CACNG3: variants seen among roughly 807,000 people sequenced by gnomAD.
CACNG3 encodes calcium voltage-gated channel auxiliary subunit gamma 3, also known as voltage-dependent calcium channel gamma-3 subunit.
A neutral mutation model predicts 28.5 loss-of-function variants in CACNG3; 3 were observed. That is an observed-to-expected ratio of 0.11 (90% CI 0.05 to 0.27). CACNG3 has a LOEUF of 0.27. Ranked by LOEUF, CACNG3 falls within the 10% of genes least tolerant of loss-of-function variation. The probability of loss-of-function intolerance (pLI) is 1.00; values close to 1 mark genes in which losing one functional copy is unlikely to be tolerated. For missense variants in CACNG3, 236 were observed against 414.4 expected, an observed-to-expected ratio of 0.57 and a Z score of 3.74; for synonymous variants, 174 against 162.2, an observed-to-expected ratio of 1.07 and a Z score of -0.55.
intron 1 of CACNG3, among the ~76,000 whole-genome samples, chr16:24,313,450 G>A (rs1899302934): frequency 6.6e-6 from 1 of 152,046 alleles, no homozygotes; most frequent in Admixed American, 6.6e-5. Flanking sequence ...GTTCCTTTCG[G>A]CACTTTTATG....
At chr16:24,257,345 G>A (rs1230681682) in intron 1 of CACNG3, among the ~76,000 whole-genome samples, 1 of 128,890 alleles carries the variant, frequency 7.8e-6, no homozygotes, top group East Asian at 2.5e-4. Flanking sequence ...GAGGAGAAGG[G>A]ACAAGAGGAA....
chr16:24,332,064 A>C (rs1425563536), intron 1 of CACNG3, among the ~76,000 whole-genome samples: 1 of 152,190 alleles, frequency 6.6e-6, no homozygotes, highest in Non-Finnish European at 1.5e-5. Flanking sequence ...TCTCTGGTAG[A>C]ATATAACAGC....
intron 1 of CACNG3, among the ~76,000 whole-genome samples, chr16:24,337,379 G>A (rs1331670678): frequency 2.6e-5 from 4 of 152,094 alleles, no homozygotes; most frequent in African/African-American, 7.2e-5. Context: ...GATTGCTGGT[G>A]ACCACTTCCC....
At chr16:24,278,365 C>T (rs144546700) in intron 1 of CACNG3, among the ~76,000 whole-genome samples, 1 of 152,250 alleles carries the variant, frequency 6.6e-6, no homozygotes, top group Non-Finnish European at 1.5e-5. Flanking sequence ...CACCCGTAAT[C>T]CCTGCATTCT....
At chr16:24,271,054 T>G (rs1357145116) in intron 1 of CACNG3, among the ~76,000 whole-genome samples, 1 of 152,184 alleles carries the variant, frequency 6.6e-6, no homozygotes, top group Non-Finnish European at 1.5e-5. Flanking sequence ...TGTAGAGCCC[T>G]GAAGGGAATT....
chr16:24,270,559 T>C (rs1898673103), intron 1 of CACNG3, among the ~76,000 whole-genome samples: 1 of 152,124 alleles, frequency 6.6e-6, no homozygotes, highest in African/African-American at 2.4e-5. Flanking sequence ...CTTTGGTGAG[T>C]GATGGCTTAG....
chr16:24,322,550 A>G (rs1899478958), intron 1 of CACNG3, among the ~76,000 whole-genome samples: 1 of 152,162 alleles, frequency 6.6e-6, no homozygotes, highest in Admixed American at 6.5e-5. Context: ...CTGTTTTTAG[A>G]AGACTTTTAC....
In CACNG3 at chr16:24,256,539, C is replaced by A; in HGVS notation, c.-216C>A. On this transcript the variant is annotated 5_prime_UTR_variant, in exon 1 of 4. Coordinates refer to ENST00000005284, the MANE Select transcript of CACNG3 (RefSeq NM_006539.4). This position sits in a 1 kb window ranked among gnomAD's most constrained non-coding sequence, Gnocchi z 4.6. ...AGTGATGCGGACCAACCCCCCGGAG[C>A]CTGCACCCTTCCGAGGGCCATAGGC... The A allele has an allele frequency of 1.8e-6, 1 of 570,442 alleles. No individual in the cohort carries two copies. Among genetic ancestry groups the A allele is most frequent in the South Asian group, 2.1e-5 (1 of 48,236 alleles). The allele number at this position is 570,442 out of a possible 1,614,324, so 35.3% of individuals were successfully genotyped here. A position where few individuals can be genotyped will look rare whatever the true frequency, so the allele number is the denominator to read the frequency against.
chr16:24,301,514 C>T (rs1448811662), intron 1 of CACNG3, among the ~76,000 whole-genome samples: 3 of 152,134 alleles, frequency 2.0e-5, no homozygotes, highest in South Asian at 2.1e-4. Context: ...CTGCAGCTCA[C>T]GACGGTCACA....
chr16:24,332,184 C>T (rs538956980), intron 1 of CACNG3, among the ~76,000 whole-genome samples: 2 of 152,074 alleles, frequency 1.3e-5, no homozygotes, highest in African/African-American at 2.4e-5. Flanking sequence ...AATCAGGGAC[C>T]GGGTGCAATG....
chr16:24,314,867 G>T (rs899270318), intron 1 of CACNG3, among the ~76,000 whole-genome samples: 1 of 151,718 alleles, frequency 6.6e-6, no homozygotes, highest in African/African-American at 2.4e-5. Flanking sequence ...AATAGGGGCT[G>T]CAGGTTCCGA....
rs755648820 is a variant in CACNG3, at chr16:24,354,692, C to T, written c.296-141C>T. 2.6e-4 allele frequency: 199 copies of T among 765,666 alleles called. 1 individual carries two copies. Among genetic ancestry groups the T allele is most frequent in the Middle Eastern group, 7.8e-4 (2 of 2,554 alleles). The allele number at this position is 765,666 out of a possible 1,614,324, so 47.4% of individuals were successfully genotyped here. A position where few individuals can be genotyped will look rare whatever the true frequency, so the allele number is the denominator to read the frequency against. On this transcript the variant is annotated intron_variant, in intron 2 of 3. Coordinates refer to ENST00000005284, the MANE Select transcript of CACNG3 (RefSeq NM_006539.4). Reference sequence around the variant, plus strand: ...ACTCCTTCTAAGCACAGGCCCTGAGCGCCTGGTCTCATGCCCGTGTTAGAC... The same window carrying T: ...ACTCCTTCTAAGCACAGGCCCTGAGTGCCTGGTCTCATGCCCGTGTTAGAC...
At chr16:24,328,654 G>A (rs142371422) in intron 1 of CACNG3, among the ~76,000 whole-genome samples, 1 of 152,122 alleles carries the variant, frequency 6.6e-6, no homozygotes, top group Non-Finnish European at 1.5e-5. Context: ...GCTTAGCAAA[G>A]AAAGTGACTG....
intron 1 of CACNG3, among the ~76,000 whole-genome samples, chr16:24,267,813 A>G (rs1898635245): frequency 6.6e-6 from 1 of 151,912 alleles, no homozygotes; most frequent in African/African-American, 2.4e-5. Flanking sequence ...GGGACTACAG[A>G]TGTGGGCCAC....
In CACNG3 at chr16:24,256,481, A is replaced by C; in HGVS notation, c.-274A>C. On this transcript the variant is annotated 5_prime_UTR_variant, in exon 1 of 4. It removes an upstream start codon present in the reference 5' UTR. Coordinates refer to ENST00000005284, the MANE Select transcript of CACNG3 (RefSeq NM_006539.4). The surrounding 1 kb of genome is among the most constrained non-coding windows in gnomAD (Gnocchi z 4.6). ...CTCGTCTTTACCACGCTCCTGAGGA[A>C]TGAAAGGAACCCAGGGACCCTCAGA... The C allele has an allele frequency of 3.1e-5, 13 of 424,168 alleles. No individual in the cohort carries two copies. Among genetic ancestry groups the C allele is most frequent in the Non-Finnish European group, 4.3e-5 (10 of 231,296 alleles). 26.3% of individuals were successfully genotyped at this position (424,168 alleles called of 1,614,324 possible).
At chr16:24,316,379 G>A (rs1192312576) in intron 1 of CACNG3, among the ~76,000 whole-genome samples, 1 of 151,670 alleles carries the variant, frequency 6.6e-6, no homozygotes, top group Non-Finnish European at 1.5e-5. Context: ...GGCTTGGCCT[G>A]TCCTTCAAGC....
chr16:24,284,298 A>T (rs1898866630), intron 1 of CACNG3, among the ~76,000 whole-genome samples: 1 of 152,152 alleles, frequency 6.6e-6, no homozygotes, highest in Non-Finnish European at 1.5e-5. Flanking sequence ...AAATAGACTA[A>T]ATAGCATGGA....
At chr16:24,310,369 G>T (rs914714760) in intron 1 of CACNG3, among the ~76,000 whole-genome samples, 2 of 146,242 alleles carry the variant, frequency 1.4e-5, no homozygotes, top group Non-Finnish European at 2.9e-5. Context: ...TTCAAGACCA[G>T]CCTGGCCAAC....
At chr16:24,270,340 A>G (rs1898670290) in intron 1 of CACNG3, among the ~76,000 whole-genome samples, 1 of 152,240 alleles carries the variant, frequency 6.6e-6, no homozygotes, top group Non-Finnish European at 1.5e-5. Flanking sequence ...TTAGCTGTTT[A>G]TTAGCTTAAC....
Sources: gnomAD v4.1 joint callset for allele counts (sites outside exome capture counted in the v4.1 genomes callset) on GRCh38, gnomAD v4.1.1 for gene constraint, Gnocchi (gnomAD v3.1) non-coding constraint, MANE v1.5 for transcripts, NCBI Gene and HGNC (gene_info 2026-07-23, HGNC 2026-07-21) for gene names.